Variants in COL6A5 observed in about 807,000 individuals in gnomAD.
COL6A5 encodes collagen type VI alpha 5 chain, also known as collagen alpha-5(VI) chain.
COL6A5 carries 48 observed loss-of-function variants against 65.6 expected under a neutral mutation model. The observed-to-expected ratio is 0.73, with a 90% CI of 0.58 to 0.93. The LOEUF is 0.93. Among genes scored for constraint, COL6A5 ranks in the 40% least tolerant of loss-of-function variants. COL6A5 has a pLI of 0.00. For synonymous variants in COL6A5, 291 were observed against 322.8 expected (o/e 0.90, Z 1.05); for missense variants, 914 against 928.3 (o/e 0.98, Z 0.20).
chr3:130,379,761 A>G, exon 4 of COL6A5: 1 of 1,551,458 alleles, frequency 6.4e-7, no homozygotes, highest in Non-Finnish European at 8.7e-7. Context: ...GAGCACAAGG[A>G]GTGCCTCAGA....
intron 5 of COL6A5, among the ~76,000 whole-genome samples, chr3:130,461,945 A>G (rs1709709735): frequency 6.6e-6 from 1 of 151,858 alleles, no homozygotes; most frequent in African/African-American, 2.4e-5. Flanking sequence ...AGAGTGTGAA[A>G]TGACCCACAA....
At chr3:130,394,555 G>A (rs141590431) in intron 7 of COL6A5, among the ~76,000 whole-genome samples, 3 of 152,234 alleles carry the variant, frequency 2.0e-5, no homozygotes, top group African/African-American at 4.8e-5. Context: ...TGTCCCAATC[G>A]TGGTGTTTTG....
exon 3 of COL6A5, chr3:130,376,405 A>C: frequency 6.2e-7 from 1 of 1,613,582 alleles, no homozygotes; most frequent in South Asian, 1.1e-5. Context: ...GACGAGTTTC[A>C]CAGTGAATTC....
intron 4 of COL6A5, among the ~76,000 whole-genome samples, chr3:130,384,476 A>T (rs1936110658): frequency 6.6e-6 from 1 of 152,084 alleles, no homozygotes; most frequent in South Asian, 2.1e-4. Flanking sequence ...GATAGGACAT[A>T]AACTGTCTAA....
chr3:130,383,913 GA>G lies in COL6A5; in HGVS notation c.1301-886del, dbSNP rs76762509. On this transcript the variant is annotated intron_variant and NMD_transcript_variant, in intron 4 of 41. Coordinates refer to the COL6A5 transcript ENST00000312481. ...GTGCCAGGCCTACTGGGCAGAAGCAGAAAAATAAACAAAATCTTTGTCCTCA... is the reference window on the plus strand; with the variant it reads ...GTGCCAGGCCTACTGGGCAGAAGCAGAAAATAAACAAAATCTTTGTCCTCA... Among the ~76,000 whole-genome samples the G allele has an allele frequency of 9.3e-3, 1,421 of 152,112 alleles. 10 individuals carry two copies. Among genetic ancestry groups the G allele is most frequent in the South Asian group, 0.07 (338 of 4,822 alleles).
chr3:130,362,310 ATATATATATATATATATTTTTTTT>A (rs1353498040), intron 1 of COL6A5, among the ~76,000 whole-genome samples: 923 of 76,770 alleles, frequency 0.012, 50 homozygotes, highest in African/African-American at 0.054. Flanking sequence ...ATATATATAT[ATATATATATATATATATTTTTTTT>A]TTTTTTTTTT....
intron 22 of COL6A5, 72 bp downstream of exon 22, chr3:130,414,203 C>T: frequency 8.3e-7 from 1 of 1,204,256 alleles, no homozygotes; most frequent in Non-Finnish European, 1.2e-6. Flanking sequence ...GCAGGTATTT[C>T]TGTATAAAAA....
At position 130,441,301 on chromosome 3, in the gene COL6A5, A is replaced by G. The variant is rs768068669; in HGVS notation, c.1241+476A>G. The stretch of plus-strand genomic sequence containing the variant: ...CAGGATATTCTTACTGAGGATATCT[A>G]GGGTGAAGCCTGAGATTCTACATTT... On this transcript the variant is annotated intron_variant, in intron 3 of 7. Transcript: ENST00000512836. Among the ~76,000 whole-genome samples, 34 of 152,300 alleles carry G rather than the reference A, an allele frequency of 2.2e-4. 1 individual carries two copies. The highest frequency in any genetic ancestry group is 4.1e-4 in the South Asian group (2 of 4,828).
intron 7 of COL6A5, among the ~76,000 whole-genome samples, chr3:130,475,627 G>A (rs1371655550): frequency 6.6e-6 from 1 of 152,112 alleles, no homozygotes; most frequent in Non-Finnish European, 1.5e-5. Flanking sequence ...AGAAATATGT[G>A]ACAGCCAGGG....
chr3:130,409,429 G>T, intron 18 of COL6A5, 41 bp downstream of exon 18: 1 of 1,476,076 alleles, frequency 6.8e-7, no homozygotes. Context: ...TTTTATACTT[G>T]CTCCACAGTT....
At chr3:130,475,688 G>A (rs1268176387) in intron 7 of COL6A5, among the ~76,000 whole-genome samples, 2 of 152,084 alleles carry the variant, frequency 1.3e-5, no homozygotes, top group Non-Finnish European at 2.9e-5. Flanking sequence ...GAGACATACT[G>A]GGCAGGTGAA....
At chr3:130,354,403 G>GA (rs1255633759) in intron 1 of COL6A5, among the ~76,000 whole-genome samples, 1 of 152,070 alleles carries the variant, frequency 6.6e-6, no homozygotes, top group Non-Finnish European at 1.5e-5. Flanking sequence ...ACAGCAAGTT[G>GA]AAAAAATGTC....
At chr3:130,447,774 C>T (rs972957933) in intron 4 of COL6A5, among the ~76,000 whole-genome samples, 7 of 151,980 alleles carry the variant, frequency 4.6e-5, no homozygotes, top group Admixed American at 2.0e-4. Context: ...CAATTAACTC[C>T]GCCGTTTGAG....
At chr3:130,430,859 C>T (rs1577502219), upstream of COL6A5, among the ~76,000 whole-genome samples, 1 of 152,140 alleles carries the variant, frequency 6.6e-6, no homozygotes, top group African/African-American at 2.4e-5. Flanking sequence ...ACAAGTTCCT[C>T]GAAGGCAGTG....
chr3:130,404,289 C>T (rs539135087), intron 13 of COL6A5, among the ~76,000 whole-genome samples: 3 of 152,316 alleles, frequency 2.0e-5, no homozygotes, highest in South Asian at 4.1e-4. Flanking sequence ...TTAGGTGGCT[C>T]TGTTAGGGAT....
At chr3:130,473,723 C>T (rs1413021801) in intron 7 of COL6A5, among the ~76,000 whole-genome samples, 1 of 151,958 alleles carries the variant, frequency 6.6e-6, no homozygotes, top group Non-Finnish European at 1.5e-5. Context: ...TGATTAGGTA[C>T]ATCTGAAGCC....
chr3:130,476,763 C>A, intron 7 of COL6A5: 1 of 513,314 alleles, frequency 1.9e-6, no homozygotes, highest in Non-Finnish European at 3.7e-6. Flanking sequence ...ATCAAGTGTG[C>A]GTCTTTGTTG....
chr3:130,389,124 T>C (rs1158226501), exon 6 of COL6A5: 31 of 1,434,158 alleles, frequency 2.2e-5, no homozygotes, highest in Non-Finnish European at 2.8e-5. Context: ...TTCGTGTGTG[T>C]GCTCTCCATG....
intron 1 of COL6A5, among the ~76,000 whole-genome samples, chr3:130,364,942 C>A (rs775755897): frequency 6.6e-6 from 1 of 152,180 alleles, no homozygotes; most frequent in Non-Finnish European, 1.5e-5. Context: ...ACTGAGACAC[C>A]TGAAAAGTCG....
Sources: allele counts gnomAD v4.1 joint callset (sites outside exome capture counted in the v4.1 genomes callset), GRCh38; gene constraint gnomAD v4.1.1; transcripts MANE v1.5; gene names NCBI Gene and HGNC (gene_info 2026-07-23, HGNC 2026-07-21).